Variants in TTN observed in about 807,000 individuals in gnomAD.
TTN encodes connectin.
A neutral mutation model predicts 3,223.0 loss-of-function variants in TTN; 1,525 were observed. The ratio of observed to expected loss-of-function variants is 0.47; its 90% CI spans 0.45 to 0.49. TTN has a LOEUF of 0.49. Ranked by LOEUF, TTN falls within the 20% of genes least tolerant of loss-of-function variation. The pLI is 0.00. For synonymous variants in TTN, 14,094 were observed against 15,161.0 expected, an observed-to-expected ratio of 0.93 and a Z score of 5.17; for missense variants, 40,786 against 43,424.0, an observed-to-expected ratio of 0.94 and a Z score of 5.40.
Position 178,589,373 on chromosome 2 carries a change from C to T in TTN, c.62352G>A (p.Gly20784=). ...KLSGVLTVKA[G]DTIRLEAGVR... The stretch of plus-strand genomic sequence containing the variant: ...CCCCTGCCTCAAGCCTAATGGTGTC[C>T]CCTGCTTTGACAGTTAGGACCCCAC... Residue 20784 remains glycine, a synonymous_variant, in exon 304 of 363, where the codon GGG becomes GGA. Transcript: ENST00000589042. 1 of 1,613,346 alleles carries T rather than the reference C, an allele frequency of 6.2e-7. No individual in the cohort carries two copies. Among genetic ancestry groups the T allele is most frequent in the Non-Finnish European group, 8.5e-7 (1 of 1,179,608 alleles).
chr2:178,528,840 T>A lies in TTN; in HGVS notation c.106911A>T (p.Lys35637Asn), dbSNP rs767045071. 1.7e-5 allele frequency: 28 copies of A among 1,614,008 alleles called. No individual in the cohort carries two copies. The highest frequency in any genetic ancestry group is 2.7e-5 in the African/African-American group (2 of 75,062). The change falls in exon 360 of 363, where the codon AAA (lysine) becomes AAT (asparagine). Residue 35637 changes from lysine to asparagine, a missense_variant. By Grantham distance (94) the Lys-to-Asn change is moderately conservative (BLOSUM62 0). Coordinates refer to ENST00000589042, the MANE Select transcript of TTN (RefSeq NM_001267550.2). Reference protein sequence around the residue: ...KANIAGATDVKWVLNGVELTN... With the variant: ...KANIAGATDVNWVLNGVELTN... ...TAAGCTCTACGCCATTCAGTACCCA[T>A]TTCACATCAGTGGCACCAGCAATGT...
intron 163 of TTN, among the ~76,000 whole-genome samples, 178 bp downstream of exon 163, chr2:178,666,646 G>T (rs1369329983): frequency 6.6e-6 from 1 of 151,980 alleles, no homozygotes; most frequent in Non-Finnish European, 1.5e-5. Context: ...TCCCTCTGTT[G>T]TCTCTTGAGT....
rs201060254 is a variant in TTN at position 178,552,377 on chromosome 2, T to C, written c.90523A>G (p.Ser30175Gly). Residue 30175 changes from serine to glycine, a missense_variant, in exon 335 of 363, where the codon AGT (serine) becomes GGT (glycine). Coordinates refer to ENST00000589042, the MANE Select transcript of TTN (RefSeq NM_001267550.2). ...GTTTTACTGAAGCGAACAAATTCAC[T>C]TTCTTTCAGTGGCAAGCCATCTTTC... is the stretch of plus-strand genomic sequence containing the variant. ...WLKDGLPLKESEFVRFSKTEN... is the reference protein window; with the variant it reads ...WLKDGLPLKEGEFVRFSKTEN... 4.4e-6 allele frequency: 7 copies of C among 1,591,544 alleles called. No homozygotes were observed. Among genetic ancestry groups the C allele is most frequent in the East Asian group, 2.2e-5 (1 of 44,520 alleles).
rs1181662412 is a variant in TTN at position 178,704,634 on chromosome 2, T to C, written c.29838A>G (p.Lys9946=). ...GGTCACCATCAATGCTTATTTCAAA[T>C]TTATCACTGGGTTCCAGTTTTTCAG... ...KGTEKLEPSD[K]FEISIDGDRH... Residue 9946 remains lysine, a synonymous_variant, in exon 105 of 363, where the codon AAA becomes AAG. Transcript: ENST00000589042. The C allele has an allele frequency of 1.2e-6, 2 of 1,612,586 alleles. No homozygotes were observed. The highest frequency in any genetic ancestry group is 1.7e-6 in the Non-Finnish European group (2 of 1,179,108).
Position 178,794,457 on chromosome 2 carries a change from T to C in TTN, c.1340A>G (p.Glu447Gly), listed in dbSNP as rs2093667051. The change falls in exon 8 of 363, where the codon GAG becomes GGG. Residue 447 changes from glutamate (E) to glycine (G), a missense_variant. By Grantham distance (98) the Glu-to-Gly change is moderately conservative. Transcript: ENST00000589042. The stretch of plus-strand genomic sequence containing the variant: ...CGTGGTTGTCCTCTGAGCAGTCTGC[T>C]CTACAGCGCTGATCACTGGTTCTCT... ...RVREPVISAV[E>G]QTAQRTTTTA... is the part of the protein sequence containing the mutation. The C allele has an allele frequency of 6.2e-7, 1 of 1,614,106 alleles. No homozygotes were observed. Among genetic ancestry groups the C allele is most frequent in the Non-Finnish European group, 8.5e-7 (1 of 1,180,028 alleles).
In TTN at chr2:178,673,645, G is replaced by A. The variant is rs1239686998; in HGVS notation, c.34774C>T (p.Pro11592Ser). 2 of 1,593,896 alleles carry A rather than the reference G, an allele frequency of 1.3e-6. No individual in the cohort carries two copies. Among genetic ancestry groups the A allele is most frequent in the Non-Finnish European group, 1.7e-6 (2 of 1,172,104 alleles). ...GGATTTGATATACCTTTAGCTGGTGGTGCCTCCACTTTTTTAGGAACAGGA... is the reference window on the plus strand; with the variant it reads ...GGATTTGATATACCTTTAGCTGGTGATGCCTCCACTTTTTTAGGAACAGGA... ...PTPVPKKVEAPPAKVSKKIPE... is the reference protein window; with the variant it reads ...PTPVPKKVEASPAKVSKKIPE... The change falls in exon 152 of 363, where the codon CCA (proline) becomes TCA (serine). Residue 11592 changes from proline to serine, a missense_variant. Physicochemically the swap from Pro to Ser is moderately conservative, Grantham distance 74. Coordinates refer to ENST00000589042, the MANE Select transcript of TTN (RefSeq NM_001267550.2).
At position 178,545,914 on chromosome 2, in the gene TTN, C is replaced by T. The variant is rs371517381; in HGVS notation, c.95322G>A (p.Lys31774=). ...TCACTCGGAATATGTACTCATTGTT[C>T]TTGATGAGCCTGGTAACGACATAGG... is the stretch of plus-strand genomic sequence containing the variant. ...TLSYVVTRLI[K]NNEYIFRVRA... The change falls in exon 343 of 363, where the codon AAG becomes AAA. Residue 31774 remains lysine (K), a synonymous_variant. Coordinates refer to ENST00000589042, the MANE Select transcript of TTN (RefSeq NM_001267550.2). 6.2e-7 allele frequency: 1 copy of T among 1,613,846 alleles called. No individual in the cohort carries two copies. Among genetic ancestry groups the T allele is most frequent in the Admixed American group, 1.7e-5 (1 of 60,008 alleles).
intron 88 of TTN, 88 bp downstream of exon 88, chr2:178,717,007 A>G (rs1282640103): frequency 2.1e-6 from 3 of 1,436,596 alleles, no homozygotes; most frequent in Middle Eastern, 1.8e-4. Context: ...GGTCCTAAAC[A>G]TAGCTCTCTC....
chr2:178,639,921 A>C, intron 222 of TTN, 127 bp downstream of exon 222: 2 of 1,438,536 alleles, frequency 1.4e-6, no homozygotes, highest in African/African-American at 2.9e-5. Context: ...TAGTATATTA[A>C]GCATTTTGAG....
chr2:178,780,263 A>G lies in TTN; in HGVS notation c.3524-58T>C, dbSNP rs200920648. On this transcript the variant is annotated intron_variant, in intron 21 of 362. Transcript: ENST00000589042. ...GCTCTTATTAGAAAACAGTCATACC[A>G]CTATGCATTCAGGTAAACTCTACAC... The G allele has an allele frequency of 1.4e-5, 20 of 1,463,064 alleles. No individual in the cohort carries two copies. The Middle Eastern group carries it at 9.5e-4, about 70-fold the overall frequency. 90.6% of individuals were successfully genotyped at this position (1,463,064 alleles called of 1,614,324 possible).
intron 44 of TTN, chr2:178,758,717 A>C: frequency 2.0e-6 from 1 of 492,078 alleles, no homozygotes; most frequent in South Asian, 2.2e-5. Context: ...GCTGATTAGG[A>C]AGCATGACAG....
chr2:178,599,367 G>T lies in TTN; in HGVS notation c.56426C>A (p.Pro18809His). ...AATCTTAGACCCACCATCATCTTTA[G>T]GTGGAAACCAAGATAGTGTCATTTG... ...ADQMTLSWFP[P>H]KDDGGSKITN... is the part of the protein sequence containing the mutation. The change falls in exon 290 of 363, where the codon CCT (proline) becomes CAT (histidine). Residue 18809 changes from proline (P) to histidine (H), a missense_variant. By Grantham distance (77) the Pro-to-His change is moderately conservative. Coordinates refer to ENST00000589042, the MANE Select transcript of TTN (RefSeq NM_001267550.2). 1 of 1,601,136 alleles carries T rather than the reference G, an allele frequency of 6.2e-7. No individual in the cohort carries two copies. The highest frequency in any genetic ancestry group is 8.5e-7 in the Non-Finnish European group (1 of 1,175,532).
intron 49 of TTN, among the ~76,000 whole-genome samples, chr2:178,737,756 T>C (rs2081771842): frequency 6.6e-6 from 1 of 152,224 alleles, no homozygotes; most frequent in African/African-American, 2.4e-5. Context: ...TTTAAAATTT[T>C]TAAATACATT....
At position 178,574,288 on chromosome 2, in the gene TTN, A is replaced by G. The variant is rs750583121; in HGVS notation, c.71844T>C (p.Pro23948=). 5.0e-6 allele frequency: 8 copies of G among 1,613,238 alleles called. No homozygotes were observed. The African/African-American group carries it at 6.7e-5, about 13-fold the overall frequency. The change falls in exon 326 of 363, where the codon CCT becomes CCC. Residue 23948 remains proline, a synonymous_variant. Transcript: ENST00000589042. ...TAATTTTAAAGCCCCCAGTATATTC[A>G]GGCTTAGCCCATTTAAGTGTTACTG... is the stretch of plus-strand genomic sequence containing the variant. ...RHTVTLKWAK[P]EYTGGFKITS...
Position 178,734,169 on chromosome 2 carries a change from G to T in TTN, c.15496+159C>A, listed in dbSNP as rs969319904. On this transcript the variant is annotated intron_variant, in intron 52 of 362. Transcript: ENST00000589042. ...ACACTAGTCTCGGGAAAAAGACCAG[G>T]TGAAAGTTACTGACTTTGTTCCCAA... Among the ~76,000 whole-genome samples, 8 of 151,156 alleles carry T rather than the reference G, an allele frequency of 5.3e-5. No homozygotes were observed. The East Asian group carries it at 1.6e-3, about 31-fold the overall frequency.
intron 288 of TTN, chr2:178,600,424 T>TAC (rs1402614435): frequency 1.3e-5 from 1 of 79,386 alleles, no homozygotes; most frequent in African/African-American, 6.8e-5. Flanking sequence ...TATATATATA[T>TAC]ATATATATAT....
At chr2:178,582,232 A>C in intron 314 of TTN, 24 bp from the exon 315 acceptor site, 1 of 1,585,178 alleles carries the variant, frequency 6.3e-7, no homozygotes. Context: ...TTGAAAAGTT[A>C]ATTTCCCAGG....
In TTN at chr2:178,714,484, G is replaced by A; in HGVS notation, c.26290C>T (p.Pro8764Ser). ...TCTTTGAACCACACCACTGAAATGGGTTCAGCGCCTTCAATGGTAGTCTGC... is the reference window on the plus strand; with the variant it reads ...TCTTTGAACCACACCACTGAAATGGATTCAGCGCCTTCAATGGTAGTCTGC... Reference protein sequence around the residue: ...QLQTTIEGAEPISVVWFKDKG... With the variant: ...QLQTTIEGAESISVVWFKDKG... The change falls in exon 91 of 363, where the codon CCC becomes TCC. Residue 8764 changes from proline to serine, a missense_variant. Physicochemically the swap from Pro to Ser is moderately conservative, Grantham distance 74 (BLOSUM62 -1). Coordinates refer to ENST00000589042, the MANE Select transcript of TTN (RefSeq NM_001267550.2). 2.5e-6 allele frequency: 4 copies of A among 1,613,400 alleles called. No individual in the cohort carries two copies. The highest frequency in any genetic ancestry group is 3.4e-6 in the Non-Finnish European group (4 of 1,179,642).
chr2:178,735,979 C>T lies in TTN; in HGVS notation c.14467G>A (p.Val4823Met). The T allele has an allele frequency of 6.2e-7, 1 of 1,613,788 alleles. No individual in the cohort carries two copies. The highest frequency in any genetic ancestry group is 2.2e-5 in the East Asian group (1 of 44,848). The change falls in exon 50 of 363, where the codon GTG (valine) becomes ATG (methionine). Residue 4823 changes from valine to methionine, a missense_variant. By Grantham distance (21) the Val-to-Met change is conservative. Coordinates refer to ENST00000589042, the MANE Select transcript of TTN (RefSeq NM_001267550.2). ...TCTTTCTGCCAAATGGTTTCTATCACAGGAGTCCCTGTCACTGTGCAGATG... is the reference window on the plus strand; with the variant it reads ...TCTTTCTGCCAAATGGTTTCTATCATAGGAGTCCCTGTCACTGTGCAGATG... ...KFICTVTGTP[V>M]IETIWQKDGA... is the part of the protein sequence containing the mutation.
Sources: gnomAD v4.1 joint callset for allele counts (sites outside exome capture counted in the v4.1 genomes callset) on GRCh38, gnomAD v4.1.1 for gene constraint, MANE v1.5 for transcripts, NCBI Gene and HGNC (gene_info 2026-07-23, HGNC 2026-07-21) for gene names.